The following CTRB1 variants were observed in gnomAD, a reference collection of about 807,000 sequenced individuals.
The protein encoded by CTRB1 is chymotrypsinogen B1, also known as chymotrypsinogen B.
In CTRB1, 15 loss-of-function variants were observed where a neutral mutation model predicts 20.4. The observed-to-expected ratio is 0.74, with a 90% CI of 0.49 to 1.13. The LOEUF is 1.13. CTRB1 is among the 50% of genes most tolerant of loss of function. The pLI is 0.00. For synonymous variants in CTRB1, 92 were observed against 128.4 expected (o/e 0.72, Z 1.92); for missense variants, 227 against 290.1 (o/e 0.78, Z 1.58).
At chr16:75,219,837 C>A (rs1322196139) in intron 1 of CTRB1, among the ~76,000 whole-genome samples, 1 of 152,258 alleles carries the variant, frequency 6.6e-6, no homozygotes. Context: ...TTTTCTCCCT[C>A]CTTCCCTCTC....
chr16:75,220,821 T>C (rs1555530487), intron 1 of CTRB1, among the ~76,000 whole-genome samples: 2 of 151,918 alleles, frequency 1.3e-5, no homozygotes, highest in African/African-American at 2.4e-5. Flanking sequence ...TGCAGTGGCA[T>C]GATTTCGGCT....
At position 75,222,754 on chromosome 16, in the gene CTRB1, C is replaced by G. The variant is rs1350062446; in HGVS notation, c.53-14C>G. ...TTTGGGGCCTCAGCCCTTATTCACC[C>G]CACTCCCCCCCAGGCTGCGGGGTCC... On this transcript the variant is annotated splice_polypyrimidine_tract_variant and intron_variant, in intron 1 of 6. Coordinates refer to ENST00000361017, the MANE Select transcript of CTRB1 (RefSeq NM_001906.6). The G allele has an allele frequency of 6.4e-7, 1 of 1,555,010 alleles. No homozygotes were observed. Among genetic ancestry groups the G allele is most frequent in the Non-Finnish European group, 8.7e-7 (1 of 1,148,532 alleles).
chr16:75,219,163 C>T, intron 1 of CTRB1, 104 bp downstream of exon 1: 1 of 1,248,102 alleles, frequency 8.0e-7, no homozygotes, highest in Non-Finnish European at 1.1e-6. Context: ...ATCCCCAGCA[C>T]AGGTAACCTG....
intron 1 of CTRB1, among the ~76,000 whole-genome samples, chr16:75,221,971 G>T (rs1041497971): frequency 6.6e-6 from 1 of 150,682 alleles, no homozygotes; most frequent in African/African-American, 2.4e-5. Flanking sequence ...TGAGGCAGGA[G>T]AATGGCGTGA....
chr16:75,220,639 C>G (rs1379802003), intron 1 of CTRB1, among the ~76,000 whole-genome samples: 1 of 152,230 alleles, frequency 6.6e-6, no homozygotes, highest in Non-Finnish European at 1.5e-5. Flanking sequence ...CAACAATGTG[C>G]TTTTTCCCTA....
intron 1 of CTRB1, among the ~76,000 whole-genome samples, chr16:75,220,440 T>G (rs897862681): frequency 2.0e-5 from 3 of 152,184 alleles, no homozygotes; most frequent in Non-Finnish European, 4.4e-5. Flanking sequence ...CACCTCAGCC[T>G]CCCAAAGTGA....
chr16:75,224,865 G>A lies in CTRB1; in HGVS notation c.791G>A (p.Ter264=), dbSNP rs748951512. The A allele has an allele frequency of 6.2e-7, 1 of 1,613,650 alleles. No homozygotes were observed. Among genetic ancestry groups the A allele is most frequent in the Non-Finnish European group, 8.5e-7 (1 of 1,180,006 alleles). The stretch of plus-strand genomic sequence containing the variant: ...GTGCAGAAGATCCTGGCTGCCAACT[G>A]AGCCCGCGGCTCCCTCCGACCCTGC... ...PWVQKILAAN[*] Residue 264 remains the stop codon, a stop_retained_variant, in exon 7 of 7, where the codon TGA becomes TAA. Coordinates refer to ENST00000361017, the MANE Select transcript of CTRB1 (RefSeq NM_001906.6).
intron 1 of CTRB1, among the ~76,000 whole-genome samples, chr16:75,219,692 T>C (rs752128500): frequency 6.6e-6 from 1 of 152,228 alleles, no homozygotes; most frequent in Non-Finnish European, 1.5e-5. Context: ...CCGTGTTTTC[T>C]ATTTTTTAAA....
At chr16:75,224,449 A>G (rs1308760058) in intron 6 of CTRB1, among the ~76,000 whole-genome samples, 2 of 152,016 alleles carry the variant, frequency 1.3e-5, no homozygotes, top group South Asian at 2.1e-4. Flanking sequence ...CAGCCCCACC[A>G]TGCTCTTCCT....
At chr16:75,219,422 A>G (rs1230420890) in intron 1 of CTRB1, among the ~76,000 whole-genome samples, 3 of 145,508 alleles carry the variant, frequency 2.1e-5, no homozygotes, top group East Asian at 4.0e-4. Context: ...ACAGAATTTC[A>G]CTCCTATTGC....
intron 1 of CTRB1, among the ~76,000 whole-genome samples, chr16:75,221,223 G>A (rs989690300): frequency 3.3e-5 from 5 of 152,178 alleles, no homozygotes; most frequent in Middle Eastern, 3.2e-3. Flanking sequence ...GGGTTGGCCC[G>A]CGCACAGGAG....
intron 1 of CTRB1, among the ~76,000 whole-genome samples, chr16:75,219,426 C>G (rs2039048110): frequency 6.6e-6 from 1 of 151,792 alleles, no homozygotes; most frequent in African/African-American, 2.4e-5. Flanking sequence ...AATTTCACTC[C>G]TATTGCCGAG....
rs757245079 is a variant in CTRB1 at position 75,222,802 on chromosome 16, C to T, written c.87C>T (p.Ser29=). 3.0e-5 allele frequency: 47 copies of T among 1,553,506 alleles called. No homozygotes were observed. The highest frequency in any genetic ancestry group is 1.5e-4 in the East Asian group (6 of 41,358). ...TCCCCGCCATCCACCCTGTGCTCAG[C>T]GGCCTGTCCAGGATCGTGAATGGGG... is the stretch of plus-strand genomic sequence containing the variant. ...CGVPAIHPVL[S]GLSRIVNGED... Residue 29 remains serine (S), a synonymous_variant, in exon 2 of 7, where the codon AGC becomes AGT. Coordinates refer to ENST00000361017, the MANE Select transcript of CTRB1 (RefSeq NM_001906.6).
At chr16:75,222,722 A>G (rs1471468445) in intron 1 of CTRB1, 46 bp from the exon 2 acceptor site, 7 of 1,529,498 alleles carry the variant, frequency 4.6e-6, no homozygotes, top group Non-Finnish European at 6.2e-6. Flanking sequence ...GGTGAGGCCC[A>G]GGTGGGTTTG....
chr16:75,221,361 T>A (rs978096207), intron 1 of CTRB1, among the ~76,000 whole-genome samples: 2 of 152,026 alleles, frequency 1.3e-5, no homozygotes, highest in African/African-American at 4.8e-5. Flanking sequence ...CAGCTGTGTT[T>A]GTTTTGATTT....
chr16:75,222,934 G>A, intron 2 of CTRB1, 35 bp from the exon 3 acceptor site: 1 of 1,222,198 alleles, frequency 8.2e-7, no homozygotes, highest in Non-Finnish European at 1.1e-6. Flanking sequence ...GTGCCCCCGG[G>A]TGGGAGGTGC....
chr16:75,221,152 C>T (rs1174225059), intron 1 of CTRB1, among the ~76,000 whole-genome samples: 2 of 144,068 alleles, frequency 1.4e-5, no homozygotes, highest in Non-Finnish European at 3.0e-5. Flanking sequence ...GAATATGACC[C>T]CAGAAGGGGA....
At chr16:75,219,407 TC>T (rs1457503950) in intron 1 of CTRB1, among the ~76,000 whole-genome samples, 1 of 151,884 alleles carries the variant, frequency 6.6e-6, no homozygotes, top group Non-Finnish European at 1.5e-5. Context: ...TTTTTTTTTT[TC>T]GAGACAGAAT....
At chr16:75,222,154 C>T (rs2039095629) in intron 1 of CTRB1, among the ~76,000 whole-genome samples, 1 of 126,260 alleles carries the variant, frequency 7.9e-6, no homozygotes, top group South Asian at 2.9e-4. Context: ...GAGCAAGACC[C>T]TAACTGGAAA....
Sources: allele counts gnomAD v4.1 joint callset (sites outside exome capture counted in the v4.1 genomes callset), GRCh38; gene constraint gnomAD v4.1.1; transcripts MANE v1.5; gene names NCBI Gene and HGNC (gene_info 2026-07-23, HGNC 2026-07-21).